The following TCF4 variants were observed in gnomAD, a reference collection of about 807,000 sequenced individuals.
The protein encoded by TCF4 is SL3-3 enhancer factor 2.
A neutral mutation model predicts 82.1 loss-of-function variants in TCF4; 3 were observed. The ratio of observed to expected loss-of-function variants is 0.04; its 90% CI spans 0.02 to 0.09. TCF4 has a LOEUF of 0.09. TCF4 is among the 10% of genes least tolerant of loss of function. The probability of loss-of-function intolerance (pLI) is 1.00; values close to 1 mark genes in which losing one functional copy is unlikely to be tolerated. For missense variants in TCF4, 518 were observed against 852.7 expected, an observed-to-expected ratio of 0.61 and a Z score of 4.89; for synonymous variants, 276 against 309.6, an observed-to-expected ratio of 0.89 and a Z score of 1.14.
At chr18:55,603,095 T>C (rs1452546017) in intron 2 of TCF4, among the ~76,000 whole-genome samples, 2 of 152,154 alleles carry the variant, frequency 1.3e-5, no homozygotes, top group African/African-American at 4.8e-5. Context: ...TTTGTGACCC[T>C]AGAGCAGCTT....
intron 8 of TCF4, among the ~76,000 whole-genome samples, chr18:55,286,086 T>C (rs561273990): frequency 6.6e-6 from 1 of 152,298 alleles, no homozygotes; most frequent in African/African-American, 2.4e-5. Flanking sequence ...AGGAAGAAAC[T>C]CTTAATCCGC....
Position 55,257,169 on chromosome 18 carries a change from G to A in TCF4, c.1146+146C>T, listed in dbSNP as rs1415102983. The A allele has an allele frequency of 3.8e-6, 3 of 789,294 alleles. No individual in the cohort carries two copies. The African/African-American group carries it at 5.2e-5, about 14-fold the overall frequency. The allele number at this position is 789,294 out of a possible 1,614,324, so 48.9% of individuals were successfully genotyped here. A position where few individuals can be genotyped will look rare whatever the true frequency, so the allele number is the denominator to read the frequency against. On this transcript the variant is annotated intron_variant, in intron 14 of 19. Transcript: ENST00000354452. ...CAAATAGGAGCAAGCATAGGCTAAT[G>A]ACTCTGGCTCCCGCAAACCTGTGTG...
chr18:55,511,330 T>TAA (rs751932079), intron 3 of TCF4, among the ~76,000 whole-genome samples: 22,742 of 72,866 alleles, frequency 0.31, 2,623 homozygotes, highest in South Asian at 0.38. Context: ...TTCCAAAAGT[T>TAA]TAAAAAAAAA....
In TCF4 at chr18:55,620,396, G is replaced by A. The variant is rs374048722; in HGVS notation, c.286+10902C>T. Among the ~76,000 whole-genome samples, 35 of 152,294 alleles carry A rather than the reference G, an allele frequency of 2.3e-4. No homozygotes were observed. The East Asian group carries it at 6.4e-3, about 28-fold the overall frequency. On this transcript the variant is annotated intron_variant, in intron 2 of 20. Coordinates refer to the TCF4 transcript ENST00000398339. ...TGCCCATCGTCCTCTAAATTATGAGGTTTCTTTAGACTGGCTGGTGGTTAT... is the reference window on the plus strand; with the variant it reads ...TGCCCATCGTCCTCTAAATTATGAGATTTCTTTAGACTGGCTGGTGGTTAT...
chr18:55,338,560 A>C (rs954991438), intron 8 of TCF4, among the ~76,000 whole-genome samples: 4 of 152,204 alleles, frequency 2.6e-5, no homozygotes, highest in African/African-American at 9.6e-5. Flanking sequence ...TTTCTTATAT[A>C]ATTAAATTGT....
chr18:55,489,865 A>G (rs1001039763), intron 3 of TCF4, among the ~76,000 whole-genome samples: 1 of 152,122 alleles, frequency 6.6e-6, no homozygotes, highest in Admixed American at 6.5e-5. Context: ...CACTTCCCCC[A>G]CATCCCAATC....
chr18:55,550,607 G>A (rs1603622024), intron 3 of TCF4: 3 of 152,264 alleles, frequency 2.0e-5, no homozygotes, highest in South Asian at 4.2e-4. Context: ...TACGGACTGC[G>A]TTATATAAAT....
At chr18:55,570,285 A>G (rs2147523632) in intron 3 of TCF4, among the ~76,000 whole-genome samples, 1 of 152,304 alleles carries the variant, frequency 6.6e-6, no homozygotes, top group Middle Eastern at 3.4e-3. Flanking sequence ...TATATGTACA[A>G]CCTTGGGGTA....
chr18:55,386,991 A>G lies in TCF4; in HGVS notation c.369+16463T>C, dbSNP rs116893731. Among the ~76,000 whole-genome samples the G allele has an allele frequency of 3.5e-3, 527 of 152,362 alleles. 2 individuals are homozygous for G. The highest frequency in any genetic ancestry group is 7.7e-3 in the South Asian group (37 of 4,832). On this transcript the variant is annotated intron_variant, in intron 6 of 19. Transcript: ENST00000354452. ...TACACACAGGCACCATTTTTACACTAGAACAGAAAAAAGAGGGAGAGAATC... is the reference window on the plus strand; with the variant it reads ...TACACACAGGCACCATTTTTACACTGGAACAGAAAAAAGAGGGAGAGAATC...
Position 55,314,498 on chromosome 18 carries a change from G to T in TCF4, c.550-34842C>A, listed in dbSNP as rs185760641. 2.0e-5 allele frequency among the ~76,000 whole-genome samples: 3 copies of T among 150,984 alleles called. No individual in the cohort carries two copies. In the East Asian group the frequency reaches 5.8e-4, roughly 29 times the overall value. On this transcript the variant is annotated intron_variant, in intron 8 of 19. Coordinates refer to ENST00000354452, the MANE Select transcript of TCF4 (RefSeq NM_001083962.2). ...ACTTAACTGGATAGGGTTTAAATAC[G>T]CATGTAACATCAATTTAATTTGTTT...
At chr18:55,345,517 T>C (rs2080996005) in intron 8 of TCF4, among the ~76,000 whole-genome samples, 1 of 152,168 alleles carries the variant, frequency 6.6e-6, no homozygotes, top group Non-Finnish European at 1.5e-5. Flanking sequence ...TAAACATTAA[T>C]AAGCACAATT....
intron 8 of TCF4, among the ~76,000 whole-genome samples, chr18:55,312,268 A>C (rs2072726157): frequency 6.6e-6 from 1 of 152,218 alleles, no homozygotes; most frequent in Non-Finnish European, 1.5e-5. Flanking sequence ...TAAACATTTA[A>C]ACAGACCAAC....
At chr18:55,403,961 G>A (rs2093962221) in intron 5 of TCF4, 1 of 1,292,410 alleles carries the variant, frequency 7.7e-7, no homozygotes, top group South Asian at 2.2e-5. Flanking sequence ...TCCAGATGGT[G>A]AATTTAGCAA....
At chr18:55,390,703 T>A (rs1003852035) in intron 6 of TCF4, among the ~76,000 whole-genome samples, 4 of 152,208 alleles carry the variant, frequency 2.6e-5, no homozygotes, top group Non-Finnish European at 5.9e-5. Context: ...TAGAGGCTAG[T>A]ACAATTACCT....
intron 6 of TCF4, chr18:55,400,705 AT>A (rs1391569163): frequency 1.5e-5 from 3 of 194,278 alleles, no homozygotes; most frequent in African/African-American, 6.9e-5. Flanking sequence ...AACTTGATAT[AT>A]TTCTGAAACA....
intron 8 of TCF4, chr18:55,321,593 T>A: frequency 3.3e-6 from 5 of 1,534,406 alleles, no homozygotes; most frequent in African/African-American, 1.4e-5. Context: ...TTGCAAACAA[T>A]GATCACCACC....
At chr18:55,578,862 T>C (rs2097551446) in intron 3 of TCF4, among the ~76,000 whole-genome samples, 1 of 152,042 alleles carries the variant, frequency 6.6e-6, no homozygotes. Context: ...AAATGTTAAT[T>C]GTCACACAAA....
intron 5 of TCF4, among the ~76,000 whole-genome samples, chr18:55,450,234 A>G (rs2095598978): frequency 6.6e-6 from 1 of 152,200 alleles, no homozygotes; most frequent in African/African-American, 2.4e-5. Flanking sequence ...TTTTCAACCT[A>G]CGTGAAAGCT....
intron 2 of TCF4, among the ~76,000 whole-genome samples, chr18:55,605,984 T>A (rs1176974354): frequency 2.6e-5 from 4 of 152,216 alleles, no homozygotes; most frequent in Admixed American, 6.5e-5. Context: ...CACCCATACC[T>A]CCTGATCAGA....
Sources: allele counts gnomAD v4.1 joint callset (sites outside exome capture counted in the v4.1 genomes callset), GRCh38; gene constraint gnomAD v4.1.1; transcripts MANE v1.5; gene names NCBI Gene and HGNC (gene_info 2026-07-23, HGNC 2026-07-21).